Variants in NCKAP5 observed in about 807,000 individuals in gnomAD.
The protein encoded by NCKAP5 is NCK associated protein 5.
A neutral mutation model predicts 167.0 loss-of-function variants in NCKAP5; 92 were observed. That is an observed-to-expected ratio of 0.55 (90% confidence interval 0.47 to 0.66). The LOEUF is 0.66. Among genes scored for constraint, NCKAP5 ranks in the 30% least tolerant of loss-of-function variants. The probability of loss-of-function intolerance (pLI) is 0.00; values close to 1 mark genes in which losing one functional copy is unlikely to be tolerated. For missense variants in NCKAP5, 2,378 were observed against 2,315.0 expected, an observed-to-expected ratio of 1.03 and a Z score of -0.56; for synonymous variants, 891 against 877.4, an observed-to-expected ratio of 1.02 and a Z score of -0.27.
the NCKAP5 span, among the ~76,000 whole-genome samples, chr2:133,633,998 T>C: frequency 6.6e-6 from 1 of 152,168 alleles, no homozygotes; most frequent in African/African-American, 2.4e-5. Flanking sequence ...AAATAGAAAC[T>C]CTTATCTGGA....
At chr2:133,226,180 A>T (rs1351542772) in intron 4 of NCKAP5, among the ~76,000 whole-genome samples, 1 of 152,078 alleles carries the variant, frequency 6.6e-6, no homozygotes, top group East Asian at 1.9e-4. Context: ...GGCTCAAGTG[A>T]TCCTCCCACT....
chr2:132,907,092 T>G (rs1694062948), intron 8 of NCKAP5, among the ~76,000 whole-genome samples: 1 of 152,220 alleles, frequency 6.6e-6, no homozygotes, highest in African/African-American at 2.4e-5. Flanking sequence ...CATAGGGAAT[T>G]TAGCCTTTTC....
chr2:132,741,328 C>T (rs907681722), intron 16 of NCKAP5, among the ~76,000 whole-genome samples: 1 of 152,186 alleles, frequency 6.6e-6, no homozygotes, highest in African/African-American at 2.4e-5. Context: ...CTTCACATAA[C>T]TGCTTCACGT....
At chr2:133,395,471 C>A (rs955570475) in intron 3 of NCKAP5, among the ~76,000 whole-genome samples, 14 of 152,168 alleles carry the variant, frequency 9.2e-5, no homozygotes, top group Admixed American at 7.9e-4. Context: ...GGTTAACGTG[C>A]AGGAGAGACC....
chr2:133,627,557 CTGAGGCCAGGAGTT>C, the NCKAP5 span, among the ~76,000 whole-genome samples: 102 of 152,244 alleles, frequency 6.7e-4, 2 homozygotes, highest in East Asian at 0.018. Flanking sequence ...GGTGGATCAC[CTGAGGCCAGGAGTT>C]TGAGACCAGC....
chr2:132,873,623 C>T (rs918000907), intron 9 of NCKAP5, among the ~76,000 whole-genome samples: 1 of 152,196 alleles, frequency 6.6e-6, no homozygotes, highest in African/African-American at 2.4e-5. Context: ...CCCCATACAA[C>T]ATTGGAAAAG....
intron 11 of NCKAP5, among the ~76,000 whole-genome samples, chr2:132,824,431 G>C (rs556843346): frequency 4.3e-4 from 65 of 152,274 alleles, no homozygotes; most frequent in Non-Finnish European, 7.6e-4. Flanking sequence ...TCCTTTATCA[G>C]GTAACATAAG....
rs1028563770 is a variant in NCKAP5 at position 133,201,792 on chromosome 2, T to A, written c.207+11924A>T. Among the ~76,000 whole-genome samples the A allele has an allele frequency of 6.6e-5, 10 of 152,106 alleles. No homozygotes were observed. The East Asian group carries it at 7.7e-4, about 12-fold the overall frequency. Reference sequence around the variant, plus strand: ...TCATTTCAAAAACAACACAGAGACATAGAAGGCCATTCCAGCCACAAGAGG... The same window carrying A: ...TCATTTCAAAAACAACACAGAGACAAAGAAGGCCATTCCAGCCACAAGAGG... On this transcript the variant is annotated intron_variant, in intron 5 of 19. Transcript: ENST00000409261.
At chr2:133,549,913 A>C (rs1180546143) in intron 2 of NCKAP5, among the ~76,000 whole-genome samples, 481 of 138,362 alleles carry the variant, frequency 3.5e-3, no homozygotes, top group African/African-American at 0.012. Flanking sequence ...GATAAAGGGG[A>C]TATCACCACC....
At chr2:133,103,219 T>C (rs976502732) in intron 6 of NCKAP5, among the ~76,000 whole-genome samples, 4 of 152,236 alleles carry the variant, frequency 2.6e-5, no homozygotes, top group Non-Finnish European at 5.9e-5. Flanking sequence ...AGTTCTACTA[T>C]TCTATGTTTG....
chr2:133,371,683 A>G (rs1685814054), intron 3 of NCKAP5, among the ~76,000 whole-genome samples: 1 of 152,202 alleles, frequency 6.6e-6, no homozygotes, highest in Non-Finnish European at 1.5e-5. Flanking sequence ...TTACAAAAAT[A>G]ATATATGTTC....
rs761937637 is a variant in NCKAP5, at chr2:133,436,651, T to A, written c.69+80807A>T. On this transcript the variant is annotated intron_variant, in intron 3 of 19. Transcript: ENST00000409261. Reference sequence around the variant, plus strand: ...CTCTTCTTTGCTCAGATCCCCACTCTTCACCTGGGGAACCTCTACTCATCC... The same window carrying A: ...CTCTTCTTTGCTCAGATCCCCACTCATCACCTGGGGAACCTCTACTCATCC... Among the ~76,000 whole-genome samples the A allele has an allele frequency of 3.5e-4, 53 of 152,276 alleles. 1 individual carries two copies. The highest frequency in any genetic ancestry group is 2.0e-3 in the Admixed American group (30 of 15,286).
At chr2:133,393,814 G>A (rs1284353520) in intron 3 of NCKAP5, among the ~76,000 whole-genome samples, 1 of 152,212 alleles carries the variant, frequency 6.6e-6, no homozygotes, top group East Asian at 1.9e-4. Flanking sequence ...CAACCTTGGT[G>A]CCATATGTAT....
chr2:133,049,372 C>T (rs1001058625), intron 6 of NCKAP5, among the ~76,000 whole-genome samples: 4 of 151,806 alleles, frequency 2.6e-5, no homozygotes, highest in Admixed American at 2.0e-4. Context: ...AGTGAAACCC[C>T]GTCTCTACTA....
chr2:132,817,287 G>T (rs1302295717), intron 11 of NCKAP5, among the ~76,000 whole-genome samples: 1 of 152,140 alleles, frequency 6.6e-6, no homozygotes, highest in Admixed American at 6.5e-5. Context: ...ATCGATGTTG[G>T]CTCTTACAGA....
At chr2:133,171,482 CAA>C (rs1213292271) in intron 5 of NCKAP5, among the ~76,000 whole-genome samples, 2 of 152,152 alleles carry the variant, frequency 1.3e-5, no homozygotes, top group Non-Finnish European at 2.9e-5. Context: ...CTTTCTCACC[CAA>C]GAGAGAGGTC....
intron 5 of NCKAP5, among the ~76,000 whole-genome samples, chr2:133,149,579 CG>C (rs2149879131): frequency 6.6e-6 from 1 of 152,068 alleles, no homozygotes; most frequent in South Asian, 2.1e-4. Context: ...TTAACTACAA[CG>C]ATGCCCCAAA....
intron 3 of NCKAP5, among the ~76,000 whole-genome samples, chr2:133,309,957 A>G (rs1040498987): frequency 6.6e-6 from 1 of 152,176 alleles, no homozygotes; most frequent in African/African-American, 2.4e-5. Context: ...CAATTTTGTG[A>G]CTAGTAACAT....
intron 4 of NCKAP5, among the ~76,000 whole-genome samples, chr2:133,273,838 A>G (rs774882806): frequency 3.7e-4 from 56 of 151,842 alleles, no homozygotes; most frequent in Non-Finnish European, 6.5e-4. Flanking sequence ...TTAAAAAGAT[A>G]ATCATTTCAG....
Sources: gnomAD v4.1 joint callset for allele counts (sites outside exome capture counted in the v4.1 genomes callset) on GRCh38, gnomAD v4.1.1 for gene constraint, MANE v1.5 for transcripts, NCBI Gene and HGNC (gene_info 2026-07-23, HGNC 2026-07-21) for gene names.